The following GPC5 variants were observed in gnomAD, a reference collection of about 807,000 sequenced individuals.
GPC5 encodes the protein glypican 5.
GPC5 carries 47 observed loss-of-function variants against 53.9 expected under a neutral mutation model. That is an observed-to-expected ratio of 0.87 (90% CI 0.69 to 1.11). The LOEUF (loss-of-function observed/expected upper bound fraction) is 1.11, where lower values mean the gene tolerates loss of function less well. Among genes scored for constraint, GPC5 ranks in the 50% most tolerant of loss-of-function variants. GPC5 has a pLI of 0.00. For synonymous variants in GPC5, 286 were observed against 263.3 expected (o/e 1.09, Z -0.84); for missense variants, 748 against 713.1 (o/e 1.05, Z -0.56).
intron 6 of GPC5, among the ~76,000 whole-genome samples, chr13:92,138,428 G>T (rs906635281): frequency 1.1e-4 from 16 of 152,140 alleles, no homozygotes; most frequent in African/African-American, 3.9e-4. Context: ...GCTGACACAG[G>T]AGAATTGCTT....
intron 7 of GPC5, among the ~76,000 whole-genome samples, chr13:92,526,542 G>A (rs937033107): frequency 6.6e-6 from 1 of 152,028 alleles, no homozygotes; most frequent in Non-Finnish European, 1.5e-5. Context: ...TTAAAGGGTA[G>A]GGAATGTTGC....
intron 6 of GPC5, among the ~76,000 whole-genome samples, chr13:92,020,488 T>C (rs757823160): frequency 5.9e-5 from 9 of 151,858 alleles, no homozygotes; most frequent in Non-Finnish European, 1.3e-4. Context: ...ACTTGTCTAT[T>C]TTTTTTTCAT....
Position 91,647,070 on chromosome 13 carries a change from CGTGTGTGTGTGT to C in GPC5, c.326-46085_326-46074del, listed in dbSNP as rs66824666. Among the ~76,000 whole-genome samples, 691 of 144,112 alleles carry C rather than the reference CGTGTGTGTGTGT, an allele frequency of 4.8e-3. 6 individuals are homozygous for C. Among genetic ancestry groups the C allele is most frequent in the African/African-American group, 0.017 (635 of 37,926 alleles). The allele number at this position is 144,112 out of a possible 152,430, so 94.5% of individuals were successfully genotyped here. On this transcript the variant is annotated intron_variant, in intron 2 of 7. Transcript: ENST00000377067. ...ACTTGCTAAGGATAATATATATATGCGTGTGTGTGTGTGTGTGTGTGTGTGTGTGTGTGTGTG... is the reference window on the plus strand; with the variant it reads ...ACTTGCTAAGGATAATATATATATGCGTGTGTGTGTGTGTGTGTGTGTGTG...
rs369651722 is a variant in GPC5 at position 91,815,605 on chromosome 13, C to G, written c.1280+59185C>G. On this transcript the variant is annotated intron_variant, in intron 5 of 7. Coordinates refer to ENST00000377067, the MANE Select transcript of GPC5 (RefSeq NM_004466.6). ...GGACATTATGATTCCTTAGTGAGCA[C>G]GATGTGAGGTATCCTCCCTCCAGCT... Among the ~76,000 whole-genome samples the G allele has an allele frequency of 4.6e-5, 7 of 152,230 alleles. No homozygotes were observed. In the East Asian group the frequency reaches 7.7e-4, roughly 17 times the overall value.
chr13:91,572,192 C>CATATGTATATATACGTGTGTATAT lies in GPC5; in HGVS notation c.326-120994_326-120993insTATGTATATATACGTGTGTATATA, dbSNP rs1566517518. 7.6e-3 allele frequency among the ~76,000 whole-genome samples: 836 copies of CATATGTATATATACGTGTGTATAT among 110,310 alleles called. 151 individuals carry two copies. The highest frequency in any genetic ancestry group is 0.037 in the African/African-American group (723 of 19,728). The allele number at this position is 110,310 out of a possible 152,430, so 72.4% of individuals were successfully genotyped here. Reference sequence around the variant, plus strand: ...ATATGTATATATACGTGTGTATACACACACATATGTATATATACGTGTATA... The same window carrying CATATGTATATATACGTGTGTATAT: ...ATATGTATATATACGTGTGTATACACATATGTATATATACGTGTGTATATACACATATGTATATATACGTGTATA... On this transcript the variant is annotated intron_variant, in intron 2 of 7. Coordinates refer to ENST00000377067, the MANE Select transcript of GPC5 (RefSeq NM_004466.6).
chr13:91,458,860 C>T (rs1021969918), intron 2 of GPC5, among the ~76,000 whole-genome samples: 2 of 151,998 alleles, frequency 1.3e-5, no homozygotes, highest in Non-Finnish European at 2.9e-5. Flanking sequence ...ATGTATATAC[C>T]ATGGAATATG....
intron 6 of GPC5, among the ~76,000 whole-genome samples, chr13:91,938,407 A>T (rs900463720): frequency 6.6e-6 from 1 of 152,116 alleles, no homozygotes; most frequent in Non-Finnish European, 1.5e-5. Context: ...CATGCTATTC[A>T]TGAAGCATCC....
At chr13:91,599,750 C>T (rs1435026402) in intron 2 of GPC5, among the ~76,000 whole-genome samples, 1 of 152,118 alleles carries the variant, frequency 6.6e-6, no homozygotes, top group Non-Finnish European at 1.5e-5. Context: ...TGTGCTCATT[C>T]ATGAAAACAT....
intron 7 of GPC5, among the ~76,000 whole-genome samples, chr13:92,599,693 A>G (rs899111748): frequency 4.6e-5 from 7 of 152,216 alleles, no homozygotes; most frequent in Admixed American, 2.6e-4. Flanking sequence ...AAGCGGTTGA[A>G]GGACAAAACA....
At chr13:92,352,624 T>C (rs1172451008) in intron 7 of GPC5, among the ~76,000 whole-genome samples, 1 of 152,182 alleles carries the variant, frequency 6.6e-6, no homozygotes, top group Non-Finnish European at 1.5e-5. Flanking sequence ...TTACTGATCA[T>C]GAAGATTCCA....
chr13:92,439,508 A>G (rs1446383425), intron 7 of GPC5, among the ~76,000 whole-genome samples: 12 of 152,282 alleles, frequency 7.9e-5, no homozygotes, highest in East Asian at 1.9e-4. Context: ...TAACACTAAG[A>G]GTTGGAGGAA....
At position 91,948,082 on chromosome 13, in the gene GPC5, G is replaced by T. The variant is rs943076921; in HGVS notation, c.1401+40025G>T. Among the ~76,000 whole-genome samples, 7 of 151,866 alleles carry T rather than the reference G, an allele frequency of 4.6e-5. No individual in the cohort carries two copies. In the East Asian group the frequency reaches 1.2e-3, roughly 25 times the overall value. On this transcript the variant is annotated intron_variant, in intron 6 of 7. Coordinates refer to ENST00000377067, the MANE Select transcript of GPC5 (RefSeq NM_004466.6). ...TCTCTACTAAAAATACAAAAAAATT[G>T]CCAGGTGTGGTGGCGGGCGCCTGTA...
intron 7 of GPC5, among the ~76,000 whole-genome samples, chr13:92,661,252 C>T (rs993638661): frequency 1.3e-5 from 2 of 151,692 alleles, no homozygotes; most frequent in Non-Finnish European, 2.9e-5. Flanking sequence ...CCATATCATG[C>T]CAATGCACTC....
chr13:91,517,357 C>T (rs1406003286), intron 2 of GPC5, among the ~76,000 whole-genome samples: 1 of 152,160 alleles, frequency 6.6e-6, no homozygotes, highest in Non-Finnish European at 1.5e-5. Context: ...GTTCAAAGTT[C>T]CACAGATCTC....
At chr13:91,889,619 A>G (rs2039363405) in intron 5 of GPC5, among the ~76,000 whole-genome samples, 2 of 152,194 alleles carry the variant, frequency 1.3e-5, no homozygotes, top group Admixed American at 1.3e-4. Context: ...TTCATATAAC[A>G]TTTATAAGGA....
At chr13:92,430,163 G>A (rs1163555165) in intron 7 of GPC5, among the ~76,000 whole-genome samples, 1 of 152,012 alleles carries the variant, frequency 6.6e-6, no homozygotes, top group Non-Finnish European at 1.5e-5. Context: ...AGCTCCCTGA[G>A]AGGAGGATAC....
At chr13:92,189,185 G>A (rs915451139) in intron 7 of GPC5, among the ~76,000 whole-genome samples, 2 of 152,146 alleles carry the variant, frequency 1.3e-5, no homozygotes, top group East Asian at 1.9e-4. Flanking sequence ...AGCAGGAAGG[G>A]GAGAAAAGGA....
intron 2 of GPC5, among the ~76,000 whole-genome samples, chr13:91,450,636 G>A (rs1045946928): frequency 3.3e-5 from 5 of 152,216 alleles, no homozygotes; most frequent in East Asian, 1.9e-4. Flanking sequence ...TAAGGAGATC[G>A]TCTCTATTGA....
intron 5 of GPC5, among the ~76,000 whole-genome samples, chr13:91,852,179 A>G (rs1417492839): frequency 6.6e-6 from 1 of 151,958 alleles, no homozygotes; most frequent in Non-Finnish European, 1.5e-5. Flanking sequence ...TAGTTGTTTT[A>G]ATTTTTTTCT....
Sources: gnomAD v4.1 joint callset for allele counts (sites outside exome capture counted in the v4.1 genomes callset) on GRCh38, gnomAD v4.1.1 for gene constraint, MANE v1.5 for transcripts, NCBI Gene and HGNC (gene_info 2026-07-23, HGNC 2026-07-21) for gene names.